Variants in GRIK2 observed in about 807,000 individuals in gnomAD.
GRIK2 encodes glutamate receptor ionotropic, kainate 2.
In GRIK2, 32 loss-of-function variants were observed where a neutral mutation model predicts 100.3. That is an observed-to-expected ratio of 0.32 (90% CI 0.24 to 0.43). The LOEUF (loss-of-function observed/expected upper bound fraction) is 0.43. Ranked by LOEUF, GRIK2 falls within the 20% of genes least tolerant of loss-of-function variation. The probability of loss-of-function intolerance (pLI) is 1.00; values close to 1 mark genes in which losing one functional copy is unlikely to be tolerated. For synonymous variants in GRIK2, 417 were observed against 389.4 expected, an observed-to-expected ratio of 1.07 and a Z score of -0.83; for missense variants, 843 against 1,114.9, an observed-to-expected ratio of 0.76 and a Z score of 3.47.
At chr6:101,438,011 A>G (rs1005272033) in intron 2 of GRIK2, among the ~76,000 whole-genome samples, 6 of 152,122 alleles carry the variant, frequency 3.9e-5, no homozygotes, top group Admixed American at 1.3e-4. Context: ...CCTAAATTCT[A>G]GTAGTCCTAG....
chr6:101,816,563 C>T (rs1031203853), intron 9 of GRIK2, among the ~76,000 whole-genome samples: 4 of 151,998 alleles, frequency 2.6e-5, no homozygotes, highest in Non-Finnish European at 4.4e-5. Flanking sequence ...TGTTGGCGGG[C>T]GCCTGCAGTC....
intron 2 of GRIK2, among the ~76,000 whole-genome samples, chr6:101,553,827 G>A (rs1005849106): frequency 1.3e-5 from 2 of 152,146 alleles, no homozygotes; most frequent in African/African-American, 4.8e-5. Context: ...AAGAACAAAG[G>A]CTAAAACAGG....
At chr6:102,005,002 A>G (rs530970690) in intron 14 of GRIK2, among the ~76,000 whole-genome samples, 1 of 151,852 alleles carries the variant, frequency 6.6e-6, no homozygotes, top group South Asian at 2.1e-4. Context: ...ACAGTAGCCT[A>G]TATTTATTAA....
intron 14 of GRIK2, among the ~76,000 whole-genome samples, chr6:102,008,204 G>C (rs574797241): frequency 2.0e-5 from 3 of 152,164 alleles, no homozygotes; most frequent in African/African-American, 7.2e-5. Flanking sequence ...TGTACAAATA[G>C]AAAGGAACAA....
In GRIK2 at chr6:101,410,380, G is replaced by A. The variant is rs569955862; in HGVS notation, c.115+10988G>A. ...TTTGCTACAGTTGTTTGAGATGGAT[G>A]TATGGGACTTTCCAGTTGTTATATT... On this transcript the variant is annotated intron_variant, in intron 2 of 16. Transcript: ENST00000369134. 3.9e-5 allele frequency among the ~76,000 whole-genome samples: 6 copies of A among 152,236 alleles called. No homozygotes were observed. In the South Asian group the frequency reaches 1.0e-3, roughly 26 times the overall value.
intron 2 of GRIK2, among the ~76,000 whole-genome samples, chr6:101,452,876 A>G (rs1770788374): frequency 6.6e-6 from 1 of 151,886 alleles, no homozygotes; most frequent in African/African-American, 2.4e-5. Flanking sequence ...ACCATTTAAT[A>G]GTCTCAGTCT....
At chr6:101,600,425 AG>A (rs1475679890) in intron 2 of GRIK2, among the ~76,000 whole-genome samples, 1 of 151,746 alleles carries the variant, frequency 6.6e-6, no homozygotes, top group Non-Finnish European at 1.5e-5. Context: ...GTTTTCTTCT[AG>A]TTTTGTAAAA....
At chr6:101,859,929 C>T (rs1461284745) in intron 11 of GRIK2, among the ~76,000 whole-genome samples, 1 of 151,990 alleles carries the variant, frequency 6.6e-6, no homozygotes, top group African/African-American at 2.4e-5. Flanking sequence ...TGTTTCTTTC[C>T]TTATTTTCAG....
At chr6:101,521,275 A>G (rs994007651) in intron 2 of GRIK2, among the ~76,000 whole-genome samples, 3 of 149,648 alleles carry the variant, frequency 2.0e-5, no homozygotes, top group African/African-American at 7.3e-5. Flanking sequence ...GTGCTTTAAT[A>G]GACTTTGTAT....
intron 2 of GRIK2, among the ~76,000 whole-genome samples, chr6:101,566,904 A>G (rs1777303385): frequency 6.6e-6 from 1 of 150,600 alleles, no homozygotes; most frequent in Admixed American, 6.7e-5. Flanking sequence ...ACATATATAC[A>G]TGTCTATTAA....
At chr6:101,456,000 A>G (rs1582490396) in intron 2 of GRIK2, among the ~76,000 whole-genome samples, 1 of 152,036 alleles carries the variant, frequency 6.6e-6, no homozygotes, top group East Asian at 1.9e-4. Flanking sequence ...CAAAAAGCTA[A>G]CATGGCATGT....
At chr6:102,056,376 ACT>A in intron 16 of GRIK2, among the ~76,000 whole-genome samples, 1 of 152,014 alleles carries the variant, frequency 6.6e-6, no homozygotes, top group African/African-American at 2.4e-5. Context: ...TAGGAAAATA[ACT>A]CTTTCAGATG....
chr6:101,826,726 G>T (rs1208644499), intron 10 of GRIK2, among the ~76,000 whole-genome samples: 2 of 151,758 alleles, frequency 1.3e-5, no homozygotes, highest in African/African-American at 2.4e-5. Flanking sequence ...GACCAAAATA[G>T]AAATTATCAG....
chr6:101,667,099 G>A (rs1388597000), intron 4 of GRIK2, among the ~76,000 whole-genome samples: 1 of 152,026 alleles, frequency 6.6e-6, no homozygotes, highest in Non-Finnish European at 1.5e-5. Flanking sequence ...TGCCTGCCAC[G>A]GGCTGCCATG....
chr6:101,805,510 G>C (rs939188840), intron 9 of GRIK2, among the ~76,000 whole-genome samples: 4 of 151,928 alleles, frequency 2.6e-5, no homozygotes, highest in Non-Finnish European at 5.9e-5. Context: ...TAAAGTGCTA[G>C]GTTTATCCCT....
chr6:101,954,736 C>A (rs1395771131), intron 14 of GRIK2, among the ~76,000 whole-genome samples: 1 of 152,022 alleles, frequency 6.6e-6, no homozygotes, highest in African/African-American at 2.4e-5. Context: ...ATGAGAATTA[C>A]AGTATAATGT....
At chr6:101,910,684 AATAG>A (rs1448644176) in intron 12 of GRIK2, among the ~76,000 whole-genome samples, 1 of 151,512 alleles carries the variant, frequency 6.6e-6, no homozygotes, top group Non-Finnish European at 1.5e-5. Context: ...CAAATAAAAT[AATAG>A]ATCTGCCTTT....
chr6:101,696,979 A>G (rs1302258852), intron 7 of GRIK2, among the ~76,000 whole-genome samples: 1 of 151,970 alleles, frequency 6.6e-6, no homozygotes, highest in Non-Finnish European at 1.5e-5. Context: ...TTCTTTCCTT[A>G]CAGACTAAAC....
intron 10 of GRIK2, among the ~76,000 whole-genome samples, chr6:101,827,469 TA>T (rs1348784860): frequency 1.4e-5 from 2 of 145,966 alleles, no homozygotes; most frequent in East Asian, 3.9e-4. Flanking sequence ...CACATTGGAT[TA>T]AAAAAACAAA....
Sources: gnomAD v4.1 joint callset for allele counts (sites outside exome capture counted in the v4.1 genomes callset) on GRCh38, gnomAD v4.1.1 for gene constraint, MANE v1.5 for transcripts, NCBI Gene and HGNC (gene_info 2026-07-23, HGNC 2026-07-21) for gene names.